Variants in CCDC7 observed in about 807,000 individuals in gnomAD.
CCDC7 encodes the protein coiled-coil domain-containing protein 7.
A neutral mutation model predicts 196.9 loss-of-function variants in CCDC7; 183 were observed. That is an observed-to-expected ratio of 0.93 (90% CI 0.82 to 1.05). The LOEUF is 1.05. CCDC7 is among the 50% of genes least tolerant of loss of function. CCDC7 has a pLI of 0.00. For missense variants in CCDC7, 1,540 were observed against 1,482.2 expected (o/e 1.04, Z -0.64); for synonymous variants, 525 against 484.6 (o/e 1.08, Z -1.10).
At chr10:32,868,012 T>C (rs1360483532) in intron 41 of CCDC7, among the ~76,000 whole-genome samples, 2 of 151,972 alleles carry the variant, frequency 1.3e-5, no homozygotes, top group Non-Finnish European at 2.9e-5. Flanking sequence ...GGTGTAATCA[T>C]ACCTATTTAT....
intron 28 of CCDC7, among the ~76,000 whole-genome samples, chr10:32,746,810 G>A (rs1287535928): frequency 6.6e-6 from 1 of 152,172 alleles, no homozygotes; most frequent in Non-Finnish European, 1.5e-5. Flanking sequence ...CTAACTTTCA[G>A]CCTCCCCTCA....
intron 28 of CCDC7, among the ~76,000 whole-genome samples, chr10:32,764,566 T>C (rs966314586): frequency 6.6e-6 from 1 of 151,874 alleles, no homozygotes; most frequent in South Asian, 2.1e-4. Context: ...CTAAGTGAAG[T>C]TGAAATGCAG....
intron 11 of CCDC7, among the ~76,000 whole-genome samples, chr10:32,542,375 G>C (rs932674732): frequency 6.6e-6 from 1 of 152,276 alleles, no homozygotes; most frequent in South Asian, 2.1e-4. Flanking sequence ...TCTCGTGCCT[G>C]TAATCCCAGC....
intron 29 of CCDC7, among the ~76,000 whole-genome samples, chr10:32,804,605 C>T (rs752073413): frequency 1.8e-4 from 28 of 152,084 alleles, no homozygotes; most frequent in Admixed American, 1.4e-3. Context: ...AGTTATGTTT[C>T]GTCTTACCAG....
chr10:32,761,389 A>C (rs955671), intron 28 of CCDC7, among the ~76,000 whole-genome samples: 1 of 151,934 alleles, frequency 6.6e-6, no homozygotes, highest in Non-Finnish European at 1.5e-5. Flanking sequence ...TCACCACTGG[A>C]TACTCCTAAT....
intron 15 of CCDC7, among the ~76,000 whole-genome samples, chr10:32,570,074 T>TAATA (rs1564690346): frequency 6.6e-6 from 1 of 152,172 alleles, no homozygotes; most frequent in Admixed American, 6.5e-5. Context: ...TCCAGACCTG[T>TAATA]TATTCATTAA....
intron 33 of CCDC7, among the ~76,000 whole-genome samples, chr10:32,835,692 G>A (rs2092548049): frequency 6.6e-6 from 1 of 152,032 alleles, no homozygotes; most frequent in South Asian, 2.1e-4. Context: ...GCAGAGTGGA[G>A]GATGAAAGAG....
intron 24 of CCDC7, among the ~76,000 whole-genome samples, chr10:32,710,402 C>G (rs1326329213): frequency 6.6e-6 from 1 of 152,194 alleles, no homozygotes; most frequent in Admixed American, 6.5e-5. Flanking sequence ...AACTTTCAGT[C>G]TCATCTGCAG....
chr10:32,642,312 C>T (rs956478494), intron 20 of CCDC7, among the ~76,000 whole-genome samples: 5 of 152,196 alleles, frequency 3.3e-5, no homozygotes, highest in African/African-American at 9.6e-5. Flanking sequence ...TTTGAGTTTC[C>T]CAGCCGCTTT....
chr10:32,665,790 T>C (rs750262704), intron 21 of CCDC7, among the ~76,000 whole-genome samples: 2 of 152,002 alleles, frequency 1.3e-5, no homozygotes, highest in Non-Finnish European at 2.9e-5. Flanking sequence ...AATTCATAAC[T>C]GATGGGCATT....
At chr10:32,667,515 A>C (rs535119542) in intron 21 of CCDC7, among the ~76,000 whole-genome samples, 106 of 152,298 alleles carry the variant, frequency 7.0e-4, no homozygotes, top group Middle Eastern at 3.4e-3. Flanking sequence ...CTAACATTTA[A>C]GTCTTTAATC....
At chr10:32,880,980 T>C (rs1353331068), downstream of CCDC7, among the ~76,000 whole-genome samples, 11 of 152,202 alleles carry the variant, frequency 7.2e-5, no homozygotes, top group African/African-American at 2.4e-4. Flanking sequence ...TCCTAAACAT[T>C]CAGGAGATCA....
At chr10:32,876,294 AACTG>A (rs2094595193) in intron 41 of CCDC7, 49 bp from the exon 43 acceptor site, 2 of 1,320,740 alleles carry the variant, frequency 1.5e-6, no homozygotes, top group Admixed American at 1.9e-5. Context: ...AAATTATATC[AACTG>A]GAGTAAAATT....
At chr10:32,683,678 T>C (rs1393132925) in intron 21 of CCDC7, among the ~76,000 whole-genome samples, 1 of 152,180 alleles carries the variant, frequency 6.6e-6, no homozygotes, top group Non-Finnish European at 1.5e-5. Context: ...ATTCTCACTG[T>C]AGAGATCTTT....
intron 8 of CCDC7, among the ~76,000 whole-genome samples, chr10:32,478,448 A>G (rs2039396892): frequency 6.6e-6 from 1 of 152,152 alleles, no homozygotes; most frequent in Non-Finnish European, 1.5e-5. Flanking sequence ...AACTTTCTGT[A>G]GATTTTCTTT....
chr10:32,860,704 AC>A lies in CCDC7; in HGVS notation c.4111+6216del, dbSNP rs1179527456. ...CCAAATCTCCTTAAGCTGATAAGCA[AC>A]TTCAGCAAAGTCTCAGGATAAAAAA... On this transcript the variant is annotated intron_variant, in intron 41 of 41. Transcript: ENST00000639629. Among the ~76,000 whole-genome samples, 360 of 152,348 alleles carry A rather than the reference AC, an allele frequency of 2.4e-3. 2 individuals are homozygous for A. The highest frequency in any genetic ancestry group is 8.2e-3 in the African/African-American group (342 of 41,598).
intron 28 of CCDC7, among the ~76,000 whole-genome samples, chr10:32,758,942 A>G (rs1023862655): frequency 2.6e-5 from 4 of 152,182 alleles, no homozygotes; most frequent in Non-Finnish European, 4.4e-5. Flanking sequence ...AAACATTCCT[A>G]TACACCAATA....
chr10:32,845,205 C>G (rs186596633), intron 33 of CCDC7, 38 bp from the exon 35 acceptor site: 915 of 1,297,588 alleles, frequency 7.1e-4, no homozygotes, highest in Admixed American at 1.2e-3. Flanking sequence ...GTAATGTTTA[C>G]CTTTCAAAAT....
In CCDC7 at chr10:32,571,153, C is replaced by T. The variant is rs151260864; in HGVS notation, c.1420-706C>T. On this transcript the variant is annotated intron_variant, in intron 15 of 41. Coordinates refer to ENST00000639629, the Ensembl canonical transcript of CCDC7. ...CCTCCCGAGTAGCTGGGATTACAGG[C>T]GCCCGCCACCATGCCCAGCTAATTT... Among the ~76,000 whole-genome samples the T allele has an allele frequency of 7.9e-3, 1,199 of 151,784 alleles. 7 individuals carry two copies. Among genetic ancestry groups the T allele is most frequent in the Middle Eastern group, 0.02 (6 of 294 alleles).
Sources: allele counts gnomAD v4.1 joint callset (sites outside exome capture counted in the v4.1 genomes callset), GRCh38; gene constraint gnomAD v4.1.1; transcripts MANE v1.5; gene names NCBI Gene and HGNC (gene_info 2026-07-23, HGNC 2026-07-21).